The following RASGRF2 variants were observed in gnomAD, a reference collection of about 807,000 sequenced individuals.
The protein encoded by RASGRF2 is Ras protein specific guanine nucleotide releasing factor 2, also known as ras-specific guanine nucleotide-releasing factor 2.
Under a neutral mutation model 151.0 loss-of-function variants are expected in RASGRF2, and 76 were observed. That is an observed-to-expected ratio of 0.50 (90% CI 0.42 to 0.61). The LOEUF (loss-of-function observed/expected upper bound fraction) is 0.61. Among genes scored for constraint, RASGRF2 ranks in the 20% least tolerant of loss-of-function variants. The pLI is 0.00. For missense variants in RASGRF2, 1,148 were observed against 1,564.6 expected (o/e 0.73, Z 4.49); for synonymous variants, 504 against 566.5 (o/e 0.89, Z 1.57).
At chr5:81,138,355 A>G (rs1753804907) in intron 17 of RASGRF2, among the ~76,000 whole-genome samples, 1 of 151,830 alleles carries the variant, frequency 6.6e-6, no homozygotes, top group African/African-American at 2.4e-5. Flanking sequence ...AGACTATATT[A>G]TTTTCCCCGT....
chr5:81,049,240 CAAGCCCA>C (rs1242603839), intron 2 of RASGRF2, among the ~76,000 whole-genome samples: 1 of 150,560 alleles, frequency 6.6e-6, no homozygotes, highest in Non-Finnish European at 1.5e-5. Context: ...CTTTATTCCC[CAAGCCCA>C]TTTACTTCCT....
intron 17 of RASGRF2, among the ~76,000 whole-genome samples, chr5:81,161,588 G>A (rs1467381034): frequency 6.6e-6 from 1 of 152,198 alleles, no homozygotes; most frequent in African/African-American, 2.4e-5. Context: ...AGGCAATGAT[G>A]TATCCCTCAG....
intron 2 of RASGRF2, among the ~76,000 whole-genome samples, chr5:81,045,558 G>C (rs1750809407): frequency 6.6e-6 from 1 of 152,088 alleles, no homozygotes; most frequent in African/African-American, 2.4e-5. Context: ...ATGATACAAT[G>C]GTGAAAATTC....
intron 15 of RASGRF2, among the ~76,000 whole-genome samples, chr5:81,116,066 CTTTTTTTTTTTTTTTT>C (rs575647502): frequency 3.5e-4 from 17 of 49,066 alleles, no homozygotes; most frequent in South Asian, 1.1e-3. Context: ...AATGCCATTT[CTTTTTTTTTTTTTTTT>C]TTTTTTTTTT....
chr5:81,215,747 A>G (rs930669824), intron 23 of RASGRF2, 129 bp from the exon 24 acceptor site: 1 of 1,172,720 alleles, frequency 8.5e-7, no homozygotes, highest in Non-Finnish European at 1.1e-6. Flanking sequence ...CCTATCACAC[A>G]ATGACCTTTA....
chr5:81,207,050 G>T, intron 20 of RASGRF2, 145 bp downstream of exon 20: 1 of 829,770 alleles, frequency 1.2e-6, no homozygotes, highest in Non-Finnish European at 2.0e-6. Context: ...AACCACATTT[G>T]GTGTGGGGTC....
chr5:81,158,380 G>C (rs1412732399), intron 17 of RASGRF2, among the ~76,000 whole-genome samples: 2 of 152,150 alleles, frequency 1.3e-5, no homozygotes, highest in African/African-American at 4.8e-5. Flanking sequence ...GAAATTGTTA[G>C]TGGATTGGGT....
chr5:80,990,842 T>C (rs1289811526), intron 1 of RASGRF2, among the ~76,000 whole-genome samples: 2 of 152,214 alleles, frequency 1.3e-5, no homozygotes, highest in African/African-American at 4.8e-5. Context: ...ACTGTTCTAG[T>C]ACATGAAGGT....
chr5:81,052,858 C>T (rs367857383), intron 2 of RASGRF2, among the ~76,000 whole-genome samples: 4 of 152,234 alleles, frequency 2.6e-5, no homozygotes, highest in Non-Finnish European at 5.9e-5. Flanking sequence ...GCATGAGGAA[C>T]GCTGATTCCA....
At chr5:81,047,733 A>G (rs26606) in intron 2 of RASGRF2, among the ~76,000 whole-genome samples, 126,050 of 152,164 alleles carry the variant, frequency 0.83, 53,220 homozygotes, top group Non-Finnish European at 0.92. Context: ...AGACTTTATC[A>G]TCCAGTTAAA....
intron 1 of RASGRF2, among the ~76,000 whole-genome samples, chr5:80,968,949 GC>G (rs1193612672): frequency 6.6e-6 from 1 of 151,910 alleles, no homozygotes; most frequent in Non-Finnish European, 1.5e-5. Flanking sequence ...CTCCCAAAGT[GC>G]TGAGATTACC....
intron 12 of RASGRF2, among the ~76,000 whole-genome samples, chr5:81,098,541 G>A (rs1042290944): frequency 6.6e-6 from 1 of 152,160 alleles, no homozygotes; most frequent in African/African-American, 2.4e-5. Context: ...CAGTGCAACC[G>A]GAGAACAGCC....
At chr5:80,970,333 C>T (rs1429605116) in intron 1 of RASGRF2, among the ~76,000 whole-genome samples, 1 of 151,932 alleles carries the variant, frequency 6.6e-6, no homozygotes, top group African/African-American at 2.4e-5. Flanking sequence ...TGTTTTAGGC[C>T]CTTTTGATTG....
intron 5 of RASGRF2, among the ~76,000 whole-genome samples, chr5:81,078,057 CTT>C (rs1467532058): frequency 6.6e-6 from 1 of 152,156 alleles, no homozygotes; most frequent in Admixed American, 6.5e-5. Context: ...ATTTTTAAAA[CTT>C]TTTTATTTTT....
intron 12 of RASGRF2, among the ~76,000 whole-genome samples, chr5:81,104,013 A>C (rs1431435099): frequency 6.6e-6 from 1 of 152,142 alleles, no homozygotes; most frequent in Non-Finnish European, 1.5e-5. Context: ...TGATGGGCAG[A>C]TACACAAATA....
At chr5:81,064,276 GGGC>G (rs1315332067) in intron 2 of RASGRF2, among the ~76,000 whole-genome samples, 2 of 152,170 alleles carry the variant, frequency 1.3e-5, no homozygotes, top group Non-Finnish European at 2.9e-5. Flanking sequence ...CTTTATTCAT[GGGC>G]CTCTCTGTAG....
In RASGRF2 at chr5:81,113,846, C is replaced by T. The variant is rs200580939; in HGVS notation, c.2396C>T (p.Pro799Leu). Residue 799 changes from proline to leucine, a missense_variant, in exon 15 of 27, where the codon CCG (proline) becomes CTG (leucine). Physicochemically the swap from Pro to Leu is moderately conservative, Grantham distance 98. This residue lies in a region of RASGRF2 where 646 missense variants were observed against 807.4 expected (regional missense o/e 0.80). Transcript: ENST00000265080. Reference protein sequence around the residue: ...SRGLSSPEQSPGTVEENVDNP... With the variant: ...SRGLSSPEQSLGTVEENVDNP... ...GGCCTCTCTTCTCCAGAGCAAAGCC[C>T]GGGAACGGTAGAAGAGAATGTCGAT... 107 of 1,614,130 alleles carry T rather than the reference C, an allele frequency of 6.6e-5. No individual in the cohort carries two copies. Among genetic ancestry groups the T allele is most frequent in the Non-Finnish European group, 8.2e-5 (97 of 1,180,010 alleles).
At chr5:81,087,963 T>G (rs1293983132) in intron 9 of RASGRF2, 1 of 152,318 alleles carries the variant, frequency 6.6e-6, no homozygotes, top group Non-Finnish European at 1.5e-5. Flanking sequence ...AAAAGTTTAA[T>G]GCATGCCATT....
chr5:80,996,893 T>C (rs1748902801), intron 1 of RASGRF2, among the ~76,000 whole-genome samples: 1 of 152,012 alleles, frequency 6.6e-6, no homozygotes, highest in Non-Finnish European at 1.5e-5. Flanking sequence ...TATGTATTTA[T>C]AGGCTTAGTA....
Sources: allele counts gnomAD v4.1 joint callset (sites outside exome capture counted in the v4.1 genomes callset), GRCh38; gene constraint gnomAD v4.1.1; regional missense constraint gnomAD v4.1.1; transcripts MANE v1.5; gene names NCBI Gene and HGNC (gene_info 2026-07-23, HGNC 2026-07-21).